Variants in MOBP observed in about 807,000 individuals in gnomAD.
The protein encoded by MOBP is myelin-associated oligodendrocyte basic protein.
In MOBP, 5 loss-of-function variants were observed where a neutral mutation model predicts 15.0. That is an observed-to-expected ratio of 0.33 (90% CI 0.17 to 0.70). MOBP has a LOEUF of 0.70. Ranked by LOEUF, MOBP falls within the 30% of genes least tolerant of loss-of-function variation. The pLI is 0.67. For missense variants in MOBP, 188 were observed against 257.8 expected (o/e 0.73, Z 1.85); for synonymous variants, 88 against 99.0 (o/e 0.89, Z 0.66).
At chr3:39,501,998 A>T in intron 2 of MOBP, 68 bp from the exon 3 acceptor site, 1 of 1,354,294 alleles carries the variant, frequency 7.4e-7, no homozygotes, top group Non-Finnish European at 1.1e-6. Context: ...GGGCTTCCAG[A>T]GTAGAGGGCT....
chr3:39,468,159 T>A (rs1708085), intron 1 of MOBP, among the ~76,000 whole-genome samples: 1 of 151,998 alleles, frequency 6.6e-6, no homozygotes, highest in African/African-American at 2.4e-5. Flanking sequence ...CTAGGAACAA[T>A]TTTTTTCCTC....
At chr3:39,480,932 A>G (rs1459512146) in intron 2 of MOBP, among the ~76,000 whole-genome samples, 4 of 152,200 alleles carry the variant, frequency 2.6e-5, no homozygotes, top group Non-Finnish European at 4.4e-5. Flanking sequence ...TTTGTTATAT[A>G]TATCCCATTA....
chr3:39,493,766 C>T (rs887683185), intron 2 of MOBP, among the ~76,000 whole-genome samples: 1 of 152,184 alleles, frequency 6.6e-6, no homozygotes, highest in Non-Finnish European at 1.5e-5. Flanking sequence ...AGGGAAGGAT[C>T]TGGAAAGGCT....
At chr3:39,512,633 A>G (rs1460841841) in intron 4 of MOBP, among the ~76,000 whole-genome samples, 4 of 152,212 alleles carry the variant, frequency 2.6e-5, no homozygotes, top group African/African-American at 7.2e-5. Flanking sequence ...AACTTTCCAA[A>G]TTACACAAAA....
rs72870938 is a variant in MOBP, at chr3:39,497,216, C to T, written c.-4-4850C>T. Among the ~76,000 whole-genome samples, 1,345 of 152,326 alleles carry T rather than the reference C, an allele frequency of 8.8e-3. 24 individuals carry two copies. The highest frequency in any genetic ancestry group is 0.031 in the African/African-American group (1,297 of 41,568). ...AGAAGTGCCTGTAGGTCACACTTCCCTCAGGGCCCATCCCAAGTTTACTAT... is the reference window on the plus strand; with the variant it reads ...AGAAGTGCCTGTAGGTCACACTTCCTTCAGGGCCCATCCCAAGTTTACTAT... On this transcript the variant is annotated intron_variant, in intron 2 of 3. Coordinates refer to ENST00000684792, the MANE Select transcript of MOBP (RefSeq NM_001393704.1).
chr3:39,469,061 C>T (rs13067227), intron 1 of MOBP, among the ~76,000 whole-genome samples: 370 of 26,826 alleles, frequency 0.014, 24 homozygotes, highest in Non-Finnish European at 0.019. Flanking sequence ...TGTGTATATA[C>T]ATATATACAT....
intron 4 of MOBP, among the ~76,000 whole-genome samples, chr3:39,512,126 A>G (rs1444341479): frequency 6.6e-6 from 1 of 152,144 alleles, no homozygotes; most frequent in Non-Finnish European, 1.5e-5. Context: ...TCCCTGGTTG[A>G]TTGGGAGTTC....
chr3:39,496,315 C>T (rs13092132), intron 2 of MOBP, among the ~76,000 whole-genome samples: 1 of 150,948 alleles, frequency 6.6e-6, no homozygotes, highest in African/African-American at 2.4e-5. Context: ...TCTCCTGCCT[C>T]AGCCTCCTGA....
chr3:39,522,171 G>A (rs2043277079), intron 3 of MOBP, among the ~76,000 whole-genome samples: 1 of 152,086 alleles, frequency 6.6e-6, no homozygotes, highest in Non-Finnish European at 1.5e-5. Context: ...GTGTGATCTT[G>A]GACAAGGGAA....
chr3:39,495,836 A>G (rs779128101), intron 2 of MOBP, among the ~76,000 whole-genome samples: 9 of 151,984 alleles, frequency 5.9e-5, no homozygotes, highest in Non-Finnish European at 8.8e-5. Flanking sequence ...AAAAAAGAAC[A>G]AAGACAAGAA....
At chr3:39,507,276 A>C (rs1322711786), downstream of MOBP, among the ~76,000 whole-genome samples, 1 of 152,220 alleles carries the variant, frequency 6.6e-6, no homozygotes, top group South Asian at 2.1e-4. Flanking sequence ...ATCTCAGCAA[A>C]TAACACAGCT....
At chr3:39,520,425 C>T (rs1299031036), downstream of MOBP, among the ~76,000 whole-genome samples, 3 of 152,122 alleles carry the variant, frequency 2.0e-5, no homozygotes, top group Non-Finnish European at 4.4e-5. Flanking sequence ...CACTTTTCCT[C>T]TTCTGGTCTA....
chr3:39,485,573 C>T (rs1423255442), intron 2 of MOBP, among the ~76,000 whole-genome samples: 1 of 152,136 alleles, frequency 6.6e-6, no homozygotes, highest in Non-Finnish European at 1.5e-5. Context: ...AATCTTTGGA[C>T]CCCCAGTTAT....
chr3:39,525,765 AG>A (rs1373311743), downstream of MOBP: 4 of 153,112 alleles, frequency 2.6e-5, no homozygotes, highest in African/African-American at 9.6e-5. Context: ...CCACGCCCCC[AG>A]AAAGAGGAAT....
intron 4 of MOBP, among the ~76,000 whole-genome samples, chr3:39,511,555 C>T (rs1575319158): frequency 6.6e-6 from 1 of 152,252 alleles, no homozygotes; most frequent in South Asian, 2.1e-4. Flanking sequence ...GATAAGGGGT[C>T]CTGGCATAGC....
intron 2 of MOBP, among the ~76,000 whole-genome samples, chr3:39,495,102 T>G (rs967453925): frequency 6.6e-6 from 1 of 152,140 alleles, no homozygotes; most frequent in Admixed American, 6.6e-5. Context: ...TGTGCACATT[T>G]TTATCCTCAC....
chr3:39,493,950 C>G (rs1559420711), intron 2 of MOBP, among the ~76,000 whole-genome samples: 1 of 152,124 alleles, frequency 6.6e-6, no homozygotes, highest in Non-Finnish European at 1.5e-5. Flanking sequence ...GATGCACTTA[C>G]CAGAGGAGGG....
chr3:39,509,911 T>G (rs1429663341), intron 4 of MOBP, among the ~76,000 whole-genome samples: 1 of 152,154 alleles, frequency 6.6e-6, no homozygotes, highest in African/African-American at 2.4e-5. Flanking sequence ...TAATTCAAGG[T>G]CACAAAGATA....
At chr3:39,527,136 T>C (rs2043333074), downstream of MOBP, 1 of 152,162 alleles carries the variant, frequency 6.6e-6, no homozygotes, top group Non-Finnish European at 1.5e-5. Flanking sequence ...TGTCTTTTAA[T>C]TGGCAAATTT....
Sources: gnomAD v4.1 joint callset for allele counts (sites outside exome capture counted in the v4.1 genomes callset) on GRCh38, gnomAD v4.1.1 for gene constraint, MANE v1.5 for transcripts, NCBI Gene and HGNC (gene_info 2026-07-23, HGNC 2026-07-21) for gene names.